The following THEMIS variants were observed in gnomAD, a reference collection of about 807,000 sequenced individuals.
THEMIS encodes the protein thymocyte selection associated, also known as protein THEMIS.
In THEMIS, 37 loss-of-function variants were observed where a neutral mutation model predicts 52.6. That is an observed-to-expected ratio of 0.70 (90% CI 0.54 to 0.93). The LOEUF (loss-of-function observed/expected upper bound fraction) is 0.93, where lower values mean the gene tolerates loss of function less well. THEMIS is among the 40% of genes least tolerant of loss of function. The pLI, the probability that THEMIS is intolerant of heterozygous loss-of-function variation, is 0.00. For missense variants in THEMIS, 808 were observed against 763.1 expected, an observed-to-expected ratio of 1.06 and a Z score of -0.69; for synonymous variants, 292 against 272.7, an observed-to-expected ratio of 1.07 and a Z score of -0.70.
intron 4 of THEMIS, among the ~76,000 whole-genome samples, chr6:127,780,100 T>C (rs1019261913): frequency 2.0e-5 from 3 of 152,190 alleles, no homozygotes; most frequent in Admixed American, 6.5e-5. Flanking sequence ...GGTGCATATA[T>C]ATTTAGGATA....
At chr6:127,858,001 A>G (rs1043455303) in intron 1 of THEMIS, among the ~76,000 whole-genome samples, 1 of 152,106 alleles carries the variant, frequency 6.6e-6, no homozygotes, top group East Asian at 1.9e-4. Flanking sequence ...AACGTAGCCC[A>G]TTTCAGCTGA....
chr6:127,764,674 G>C (rs1776134023), intron 4 of THEMIS, among the ~76,000 whole-genome samples: 2 of 151,950 alleles, frequency 1.3e-5, no homozygotes, highest in South Asian at 2.1e-4. Context: ...ACCAGACTAT[G>C]GCTCAAGAAC....
rs140649668 is a variant in THEMIS at position 127,787,394 on chromosome 6, C to T, written c.1758+25489G>A. ...TCAGATATCACTAGTCCACTAGGTCCGCCAAGATGAATCTAGTCTGCTCCT... is the reference window on the plus strand; with the variant it reads ...TCAGATATCACTAGTCCACTAGGTCTGCCAAGATGAATCTAGTCTGCTCCT... On this transcript the variant is annotated intron_variant, in intron 4 of 5. Coordinates refer to ENST00000368248, the MANE Select transcript of THEMIS (RefSeq NM_001010923.3). 4.8e-3 allele frequency among the ~76,000 whole-genome samples: 724 copies of T among 152,196 alleles called. 5 individuals are homozygous for T. Among genetic ancestry groups the T allele is most frequent in the Admixed American group, 7.9e-3 (120 of 15,282 alleles).
intron 1 of THEMIS, among the ~76,000 whole-genome samples, chr6:127,877,180 A>G (rs995859095): frequency 1.3e-5 from 2 of 152,146 alleles, no homozygotes; most frequent in Non-Finnish European, 2.9e-5. Flanking sequence ...GACGGCCTTG[A>G]TCTGAATTAG....
chr6:127,771,754 T>G (rs909694209), intron 4 of THEMIS, among the ~76,000 whole-genome samples: 1 of 152,138 alleles, frequency 6.6e-6, no homozygotes, highest in South Asian at 2.1e-4. Context: ...TGGGATTATT[T>G]CAAGTTACAC....
At chr6:127,865,210 TAA>T (rs1779935743) in intron 1 of THEMIS, among the ~76,000 whole-genome samples, 1 of 151,802 alleles carries the variant, frequency 6.6e-6, no homozygotes, top group South Asian at 2.1e-4. Context: ...CAAACAAAAC[TAA>T]AAAAACAGAC....
At chr6:127,790,757 C>G (rs912798432) in intron 4 of THEMIS, among the ~76,000 whole-genome samples, 1 of 152,136 alleles carries the variant, frequency 6.6e-6, no homozygotes, top group Non-Finnish European at 1.5e-5. Flanking sequence ...AGGCACAGAG[C>G]GGTGAGGATT....
At chr6:127,867,483 A>G (rs1192056289) in intron 1 of THEMIS, among the ~76,000 whole-genome samples, 1 of 152,062 alleles carries the variant, frequency 6.6e-6, no homozygotes, top group East Asian at 1.9e-4. Context: ...ATCTCCTACC[A>G]TCAAGTCTGA....
intron 4 of THEMIS, among the ~76,000 whole-genome samples, chr6:127,722,932 C>A (rs969762669): frequency 6.6e-6 from 1 of 152,032 alleles, no homozygotes; most frequent in African/African-American, 2.4e-5. Context: ...GATCTCCTTA[C>A]TACAAATGAA....
intron 1 of THEMIS, among the ~76,000 whole-genome samples, chr6:127,896,708 T>C (rs1255741318): frequency 6.6e-6 from 1 of 151,546 alleles, no homozygotes; most frequent in African/African-American, 2.4e-5. Context: ...GTTATCAAAT[T>C]TGGCTGTGTG....
At chr6:127,801,773 A>G (rs987570679) in intron 4 of THEMIS, among the ~76,000 whole-genome samples, 9 of 152,032 alleles carry the variant, frequency 5.9e-5, no homozygotes, top group Admixed American at 5.9e-4. Context: ...GCCACCCCCA[A>G]CACCCCTGTG....
At chr6:127,867,004 G>A (rs1205662435) in intron 1 of THEMIS, among the ~76,000 whole-genome samples, 2 of 150,196 alleles carry the variant, frequency 1.3e-5, no homozygotes, top group South Asian at 4.2e-4. Flanking sequence ...GAACTCAGTA[G>A]CCAAGAAAGA....
intron 4 of THEMIS, among the ~76,000 whole-genome samples, chr6:127,805,249 T>C (rs1046942906): frequency 5.3e-5 from 8 of 152,094 alleles, no homozygotes; most frequent in African/African-American, 1.7e-4. Flanking sequence ...ATTAGAGATA[T>C]TTTAACCTCT....
At chr6:127,905,887 T>G (rs1583415842), upstream of THEMIS, among the ~76,000 whole-genome samples, 1 of 151,578 alleles carries the variant, frequency 6.6e-6, no homozygotes, top group African/African-American at 2.4e-5. Flanking sequence ...AACCTCAAAA[T>G]TGCTAGCAAA....
chr6:127,877,888 A>G (rs1373505986), intron 1 of THEMIS, among the ~76,000 whole-genome samples: 4 of 152,202 alleles, frequency 2.6e-5, no homozygotes, highest in Non-Finnish European at 4.4e-5. Flanking sequence ...GAAGCACAAA[A>G]AAAAATGAAG....
In THEMIS at chr6:127,855,106, C is replaced by A. The variant is rs1779574198; in HGVS notation, c.174G>T (p.Lys58Asn). Residue 58 changes from lysine (K) to asparagine (N), a missense_variant, in exon 2 of 6, where the codon AAG becomes AAT. By Grantham distance (94) the Lys-to-Asn change is moderately conservative. Transcript: ENST00000368248. Reference sequence around the variant, plus strand: ...TCTGCTCACAAATTTCAGCTATGATCTTCTTAACTTTGAGACCAGTAATTT... The same window carrying A: ...TCTGCTCACAAATTTCAGCTATGATATTCTTAACTTTGAGACCAGTAATTT... ...VIKITGLKVK[K>N]IIAEICEQIE... 7.4e-6 allele frequency: 12 copies of A among 1,611,122 alleles called. No homozygotes were observed. The highest frequency in any genetic ancestry group is 1.0e-5 in the Non-Finnish European group (12 of 1,178,510).
At chr6:127,866,671 A>T (rs535498706) in intron 1 of THEMIS, among the ~76,000 whole-genome samples, 118 of 152,110 alleles carry the variant, frequency 7.8e-4, no homozygotes, top group African/African-American at 2.6e-3. Flanking sequence ...AATATTTAAA[A>T]ATACTCAATA....
intron 1 of THEMIS, among the ~76,000 whole-genome samples, chr6:127,869,354 G>A (rs946942184): frequency 2.6e-5 from 4 of 152,160 alleles, no homozygotes; most frequent in African/African-American, 9.6e-5. Context: ...TAGCAACACA[G>A]TGCACTATAG....
chr6:127,849,113 G>A lies in THEMIS; in HGVS notation c.250+5917C>T, dbSNP rs549227116. Among the ~76,000 whole-genome samples the A allele has an allele frequency of 1.5e-4, 23 of 152,122 alleles. 1 individual carries two copies. The East Asian group carries it at 3.9e-3, about 26-fold the overall frequency. On this transcript the variant is annotated intron_variant, in intron 2 of 5. Transcript: ENST00000368248. The stretch of plus-strand genomic sequence containing the variant: ...GAATTAATTTTTGTATAAGGTGTAA[G>A]GAAGGGATCCAGTTTCAGCTTTCTA...
Sources: gnomAD v4.1 joint callset for allele counts (sites outside exome capture counted in the v4.1 genomes callset) on GRCh38, gnomAD v4.1.1 for gene constraint, MANE v1.5 for transcripts, NCBI Gene and HGNC (gene_info 2026-07-23, HGNC 2026-07-21) for gene names.